Variants in DYNC2H1 observed in about 807,000 individuals in gnomAD.
DYNC2H1 encodes cytoplasmic dynein 2 heavy chain 1.
A neutral mutation model predicts 570.0 loss-of-function variants in DYNC2H1; 410 were observed. The ratio of observed to expected loss-of-function variants is 0.72; its 90% CI spans 0.66 to 0.78. DYNC2H1 has a LOEUF of 0.78. DYNC2H1 is among the 30% of genes least tolerant of loss of function. The pLI is 0.00. For missense variants in DYNC2H1, 4,865 were observed against 5,046.4 expected, an observed-to-expected ratio of 0.96 and a Z score of 1.09; for synonymous variants, 1,688 against 1,677.6, an observed-to-expected ratio of 1.01 and a Z score of -0.15.
intron 82 of DYNC2H1, among the ~76,000 whole-genome samples, chr11:103,342,423 C>G (rs1939501634): frequency 6.6e-6 from 1 of 152,094 alleles, no homozygotes; most frequent in African/African-American, 2.4e-5. Context: ...CAAGCTGCTC[C>G]AGTCCCCTTC....
chr11:103,387,619 GT>G (rs1246938436), intron 83 of DYNC2H1, among the ~76,000 whole-genome samples: 1 of 152,118 alleles, frequency 6.6e-6, no homozygotes, highest in Non-Finnish European at 1.5e-5. Context: ...TTCTTCTAGG[GT>G]TTTTATGGTT....
chr11:103,402,627 G>T (rs2135657593), intron 84 of DYNC2H1: 3 of 152,196 alleles, frequency 2.0e-5, no homozygotes, highest in Admixed American at 2.0e-4. Context: ...GTAGTGCAAA[G>T]ACATAAGCCT....
intron 70 of DYNC2H1, among the ~76,000 whole-genome samples, chr11:103,260,594 A>G (rs867859746): frequency 6.6e-6 from 1 of 151,484 alleles, no homozygotes. Flanking sequence ...ATATTAGAAA[A>G]CGCAGAGGCC....
At chr11:103,372,451 G>A (rs972001317) in intron 83 of DYNC2H1, among the ~76,000 whole-genome samples, 1 of 152,132 alleles carries the variant, frequency 6.6e-6, no homozygotes, top group Non-Finnish European at 1.5e-5. Flanking sequence ...AAGAGATGTT[G>A]AATTTTGTCA....
At chr11:103,171,502 C>T (rs1861572421) in intron 34 of DYNC2H1, among the ~76,000 whole-genome samples, 2 of 152,090 alleles carry the variant, frequency 1.3e-5, no homozygotes, top group South Asian at 4.1e-4. Context: ...GTGATCCACC[C>T]CCCTCGGCCT....
chr11:103,332,902 C>G (rs1938896027), intron 82 of DYNC2H1, among the ~76,000 whole-genome samples: 1 of 151,762 alleles, frequency 6.6e-6, no homozygotes, highest in African/African-American at 2.4e-5. Context: ...GCTCAGGAGG[C>G]TGAGGCAGGA....
At chr11:103,193,223 T>C (rs1269638729) in intron 47 of DYNC2H1, among the ~76,000 whole-genome samples, 1 of 152,182 alleles carries the variant, frequency 6.6e-6, no homozygotes, top group East Asian at 1.9e-4. Flanking sequence ...ATCATATTAA[T>C]AGTTCAGAGT....
At chr11:103,428,303 A>G (rs1168769433) in intron 84 of DYNC2H1, among the ~76,000 whole-genome samples, 3 of 99,454 alleles carry the variant, frequency 3.0e-5, no homozygotes, top group Non-Finnish European at 5.8e-5. Flanking sequence ...TTGCCCACCT[A>G]CCATGGTCTA....
intron 37 of DYNC2H1, 85 bp downstream of exon 37, chr11:103,176,519 C>G: frequency 2.7e-6 from 3 of 1,111,546 alleles, no homozygotes; most frequent in Non-Finnish European, 3.6e-6. Context: ...CATCTTTCAA[C>G]TTATCTTTTA....
chr11:103,335,883 C>T (rs1210097385), intron 82 of DYNC2H1, among the ~76,000 whole-genome samples: 1 of 152,072 alleles, frequency 6.6e-6, no homozygotes, highest in East Asian at 1.9e-4. Flanking sequence ...TCATTCTATA[C>T]GTGAGGATAT....
Position 103,120,953 on chromosome 11 carries a change from A to G in DYNC2H1, c.1277A>G (p.Glu426Gly), listed in dbSNP as rs1314380719. ...QLLQAFLKYKELVKRPTISKE... is the reference protein window; with the variant it reads ...QLLQAFLKYKGLVKRPTISKE... ...CTTCAAGCATTCCTGAAATATAAAG[A>G]GTTGGTAAAGCGTCCAACTATAAGC... The change falls in exon 9 of 89, where the codon GAG becomes GGG. Residue 426 changes from glutamate (E) to glycine (G), a missense_variant. By Grantham distance (98) the Glu-to-Gly change is moderately conservative. Around this residue, in one of 5 missense-constraint regions of DYNC2H1, gnomAD observed 1,936 missense variants for 1,962.1 expected, o/e 0.99. Transcript: ENST00000375735. The G allele has an allele frequency of 1.3e-6, 2 of 1,551,624 alleles. No individual in the cohort carries two copies. Among genetic ancestry groups the G allele is most frequent in the African/African-American group, 1.4e-5 (1 of 72,482 alleles).
intron 82 of DYNC2H1, among the ~76,000 whole-genome samples, chr11:103,349,066 G>A (rs939975337): frequency 6.6e-6 from 1 of 152,040 alleles, no homozygotes; most frequent in South Asian, 2.1e-4. Context: ...ACCCAGTCTC[G>A]GGTATTTCTT....
Position 103,135,729 on chromosome 11 carries a change from A to G in DYNC2H1, c.2355A>G (p.Arg785=), listed in dbSNP as rs753742267. Reference sequence around the variant, plus strand: ...ATTTATTTACTTTTAGACAGGGACGATTACAATTCAGGCCCCCTTTTGAAG... The same window carrying G: ...ATTTATTTACTTTTAGACAGGGACGGTTACAATTCAGGCCCCCTTTTGAAG... ...INIDLTYKQG[R]LQFRPPFEEI... The change falls in exon 17 of 89, where the codon CGA becomes CGG. Residue 785 remains arginine, a synonymous_variant. Transcript: ENST00000375735. 1.6e-5 allele frequency: 25 copies of G among 1,609,348 alleles called. No individual in the cohort carries two copies. The South Asian group carries it at 2.4e-4, about 16-fold the overall frequency.
Position 103,261,243 on chromosome 11 carries a change from G to C in DYNC2H1, c.10695+1266G>C, listed in dbSNP as rs550020697. ...CCCATCTCCCTGAGACAGAGCAGCT[G>C]GGGGGAAGGGGTGGCTGTGGGCGCA... On this transcript the variant is annotated intron_variant, in intron 70 of 88. Transcript: ENST00000375735. This position sits in a 1 kb window ranked among gnomAD's most constrained non-coding sequence, Gnocchi z 4.8. Among the ~76,000 whole-genome samples the C allele has an allele frequency of 4.0e-5, 6 of 151,326 alleles. No homozygotes were observed. Among genetic ancestry groups the C allele is most frequent in the African/African-American group, 7.2e-5 (3 of 41,420 alleles).
intron 24 of DYNC2H1, among the ~76,000 whole-genome samples, chr11:103,155,067 A>G (rs902496961): frequency 6.6e-6 from 1 of 152,072 alleles, no homozygotes; most frequent in East Asian, 1.9e-4. Flanking sequence ...GTCCTATCCT[A>G]TAATAATAAA....
chr11:103,157,096 A>G lies in DYNC2H1; in HGVS notation c.4127+326A>G, dbSNP rs576545450. Among the ~76,000 whole-genome samples the G allele has an allele frequency of 6.6e-6, 1 of 152,200 alleles. No individual in the cohort carries two copies. The highest frequency in any genetic ancestry group is 2.1e-4 in the South Asian group (1 of 4,830). On this transcript the variant is annotated intron_variant, in intron 26 of 88. Coordinates refer to ENST00000375735, the MANE Select transcript of DYNC2H1 (RefSeq NM_001377.3). The surrounding 1 kb of genome is among the most constrained non-coding windows in gnomAD (Gnocchi z 4.2). ...TCATTAGTATTTAATAGAGTTGAGC[A>G]TTTCTTCTTTCTTAGAAAGTCTCTT...
intron 40 of DYNC2H1, among the ~76,000 whole-genome samples, chr11:103,183,337 C>T (rs755085961): frequency 6.6e-6 from 1 of 151,422 alleles, no homozygotes; most frequent in Non-Finnish European, 1.5e-5. Context: ...ATAGGAGTAT[C>T]GTATTAGATG....
At chr11:103,310,624 TA>T (rs1350091550) in intron 78 of DYNC2H1, among the ~76,000 whole-genome samples, 1 of 149,156 alleles carries the variant, frequency 6.7e-6, no homozygotes, top group African/African-American at 2.4e-5. Context: ...AAGCTTTCAT[TA>T]AAAAAGTGTA....
intron 88 of DYNC2H1, among the ~76,000 whole-genome samples, chr11:103,478,510 G>A (rs1298753011): frequency 6.6e-6 from 1 of 152,100 alleles, no homozygotes; most frequent in African/African-American, 2.4e-5. Flanking sequence ...CTCACCTCTA[G>A]ATCCAGTTTA....
Sources: allele counts gnomAD v4.1 joint callset (sites outside exome capture counted in the v4.1 genomes callset), GRCh38; gene constraint gnomAD v4.1.1; regional missense constraint gnomAD v4.1.1; non-coding constraint Gnocchi (gnomAD v3.1); transcripts MANE v1.5; gene names NCBI Gene and HGNC (gene_info 2026-07-23, HGNC 2026-07-21).